The following EDARADD variants were observed in gnomAD, a reference collection of about 807,000 sequenced individuals.
EDARADD encodes the protein EDAR associated via death domain.
Under a neutral mutation model 25.6 loss-of-function variants are expected in EDARADD, and 20 were observed. The ratio of observed to expected loss-of-function variants is 0.78; its 90% CI spans 0.55 to 1.14. The LOEUF (loss-of-function observed/expected upper bound fraction) is 1.14, where lower values mean the gene tolerates loss of function less well. Among genes scored for constraint, EDARADD ranks in the 50% most tolerant of loss-of-function variants. The pLI is 0.00. For missense variants in EDARADD, 225 were observed against 270.1 expected, an observed-to-expected ratio of 0.83 and a Z score of 1.17; for synonymous variants, 86 against 94.4, an observed-to-expected ratio of 0.91 and a Z score of 0.52.
At chr1:236,356,322 A>T (rs1386384941) in intron 3 of EDARADD, among the ~76,000 whole-genome samples, 2 of 152,182 alleles carry the variant, frequency 1.3e-5, no homozygotes, top group Non-Finnish European at 2.9e-5. Flanking sequence ...ATGAGCAATC[A>T]AAATAGCCTC....
At chr1:236,424,656 A>G (rs1366619256) in intron 3 of EDARADD, among the ~76,000 whole-genome samples, 1 of 152,036 alleles carries the variant, frequency 6.6e-6, no homozygotes, top group African/African-American at 2.4e-5. Flanking sequence ...CATATAGTTT[A>G]AAAACTGTGG....
chr1:236,389,243 T>C (rs1187113636), intron 3 of EDARADD, among the ~76,000 whole-genome samples: 1 of 152,134 alleles, frequency 6.6e-6, no homozygotes, highest in African/African-American at 2.4e-5. Context: ...GGAGGATATG[T>C]AGAATAAAAG....
chr1:236,467,083 A>C (rs201451143), intron 4 of EDARADD, among the ~76,000 whole-genome samples: 3 of 83,064 alleles, frequency 3.6e-5, no homozygotes, highest in African/African-American at 2.6e-4. Flanking sequence ...ACAAAAAAAC[A>C]AAAAAAAAAC....
intron 3 of EDARADD, among the ~76,000 whole-genome samples, chr1:236,362,804 T>C (rs953214975): frequency 6.6e-6 from 1 of 151,244 alleles, no homozygotes; most frequent in Non-Finnish European, 1.5e-5. Flanking sequence ...GGCCATCTTA[T>C]CTCTGCTGCC....
chr1:236,372,144 C>T (rs796516332), intron 3 of EDARADD, among the ~76,000 whole-genome samples: 9 of 151,576 alleles, frequency 5.9e-5, no homozygotes, highest in African/African-American at 2.2e-4. Flanking sequence ...TTAGTAGAGA[C>T]GGGGTCTCAC....
At chr1:236,460,052 A>G (rs573939427) in intron 4 of EDARADD, among the ~76,000 whole-genome samples, 8 of 152,176 alleles carry the variant, frequency 5.3e-5, no homozygotes, top group African/African-American at 1.9e-4. Flanking sequence ...TCTTCATTCC[A>G]TTACTGGATT....
intron 1 of EDARADD, 125 bp downstream of exon 1, chr1:236,394,630 C>A: frequency 2.9e-6 from 2 of 701,468 alleles, no homozygotes; most frequent in Non-Finnish European, 4.5e-6. Flanking sequence ...TTCGACCCGA[C>A]TTTTATCTTT....
At chr1:236,393,561 A>T (rs1446941708), upstream of EDARADD, among the ~76,000 whole-genome samples, 1 of 151,730 alleles carries the variant, frequency 6.6e-6, no homozygotes, top group Non-Finnish European at 1.5e-5. Context: ...AATCCAGCTA[A>T]GTTTTTTGTA....
chr1:236,384,279 G>C (rs141463826), intron 3 of EDARADD, among the ~76,000 whole-genome samples: 2,109 of 152,216 alleles, frequency 0.014, 37 homozygotes, highest in Middle Eastern at 0.085. Flanking sequence ...AATGTATGAG[G>C]GTCTATGTCT....
chr1:236,372,540 C>A (rs1460922763), intron 3 of EDARADD, among the ~76,000 whole-genome samples: 1 of 152,098 alleles, frequency 6.6e-6, no homozygotes, highest in African/African-American at 2.4e-5. Flanking sequence ...CTTCTTGTAA[C>A]ACTTTTGTCT....
chr1:236,441,496 T>C (rs932953967), intron 4 of EDARADD, among the ~76,000 whole-genome samples: 2 of 146,746 alleles, frequency 1.4e-5, no homozygotes, highest in Non-Finnish European at 3.0e-5. Flanking sequence ...ATATATATTT[T>C]ATAATATGTA....
intron 4 of EDARADD, among the ~76,000 whole-genome samples, chr1:236,428,767 T>A (rs1190576207): frequency 2.7e-5 from 4 of 150,518 alleles, no homozygotes; most frequent in African/African-American, 9.7e-5. Flanking sequence ...CTCGGCACTT[T>A]GGGAGGCCAA....
At chr1:236,426,796 G>A (rs1450437092) in intron 3 of EDARADD, among the ~76,000 whole-genome samples, 1 of 152,212 alleles carries the variant, frequency 6.6e-6, no homozygotes, top group African/African-American at 2.4e-5. Flanking sequence ...TTGGGAGGCT[G>A]AGGTGGGAGG....
intron 3 of EDARADD, among the ~76,000 whole-genome samples, chr1:236,379,352 A>G (rs1283983494): frequency 6.6e-6 from 1 of 151,986 alleles, no homozygotes; most frequent in African/African-American, 2.4e-5. Flanking sequence ...CCTGGCTGCC[A>G]GAGCGAGACT....
Position 236,482,765 on chromosome 1 carries a change from C to A in EDARADD, c.*116C>A, listed in dbSNP as rs771924946. ...GGACAAGGACGTGGAACAGTGGACA[C>A]TGGTTTTCCCCAAAGCTGGCAGTTT... On this transcript the variant is annotated 3_prime_UTR_variant, in exon 6 of 6. Coordinates refer to ENST00000334232, the MANE Select transcript of EDARADD (RefSeq NM_145861.4). 1 of 1,500,668 alleles carries A rather than the reference C, an allele frequency of 6.7e-7. No homozygotes were observed. The highest frequency in any genetic ancestry group is 9.1e-7 in the Non-Finnish European group (1 of 1,100,700). 93.0% of individuals were successfully genotyped at this position (1,500,668 alleles called of 1,614,324 possible).
intron 5 of EDARADD, among the ~76,000 whole-genome samples, chr1:236,478,276 G>T (rs1239864959): frequency 6.6e-6 from 1 of 151,734 alleles, no homozygotes; most frequent in Non-Finnish European, 1.5e-5. Flanking sequence ...TTATGTGAAA[G>T]GTATGCATCA....
In EDARADD at chr1:236,427,439, A is replaced by G. The variant is rs1293358151; in HGVS notation, c.208A>G (p.Met70Val). ...ITLNCPRNSD[M>V]KNQGEENGFP... is the part of the protein sequence containing the mutation. ...TTTGAACTGCCCACGAAATTCAGAT[A>G]TGAAAAATCAGGTAAGAATAATTTC... Residue 70 changes from methionine (M) to valine (V), a missense_variant, in exon 4 of 6, where the codon ATG becomes GTG. Transcript: ENST00000334232. 5.6e-6 allele frequency: 9 copies of G among 1,612,484 alleles called. No homozygotes were observed. The highest frequency in any genetic ancestry group is 1.7e-4 in the Middle Eastern group (1 of 6,038).
intron 2 of EDARADD, chr1:236,349,066 A>T (rs996939936): frequency 6.6e-6 from 1 of 151,960 alleles, no homozygotes; most frequent in African/African-American, 2.4e-5. Flanking sequence ...TTTTTTTTAG[A>T]GACAGGGTCT....
chr1:236,371,000 G>A (rs1218059120), intron 3 of EDARADD, among the ~76,000 whole-genome samples: 2 of 152,166 alleles, frequency 1.3e-5, no homozygotes, highest in Non-Finnish European at 2.9e-5. Flanking sequence ...TAACTTAGAC[G>A]TCTTTCACTG....
Sources: gnomAD v4.1 joint callset for allele counts (sites outside exome capture counted in the v4.1 genomes callset) on GRCh38, gnomAD v4.1.1 for gene constraint, MANE v1.5 for transcripts, NCBI Gene and HGNC (gene_info 2026-07-23, HGNC 2026-07-21) for gene names.